The following EPHA3 variants were observed in gnomAD, a reference collection of about 807,000 sequenced individuals.
EPHA3 encodes the protein EPH receptor A3.
A neutral mutation model predicts 107.1 loss-of-function variants in EPHA3; 42 were observed. That is an observed-to-expected ratio of 0.39 (90% CI 0.31 to 0.51). EPHA3 has a LOEUF of 0.51. Among genes scored for constraint, EPHA3 ranks in the 20% least tolerant of loss-of-function variants. The probability of loss-of-function intolerance (pLI) is 0.78; values close to 1 mark genes in which losing one functional copy is unlikely to be tolerated. For missense variants in EPHA3, 1,183 were observed against 1,211.2 expected (o/e 0.98, Z 0.35); for synonymous variants, 461 against 424.8 (o/e 1.09, Z -1.05).
chr3:89,173,477 T>G (rs1292309234), intron 2 of EPHA3, among the ~76,000 whole-genome samples: 1 of 152,060 alleles, frequency 6.6e-6, no homozygotes, highest in Non-Finnish European at 1.5e-5. Context: ...ATACTGTTAT[T>G]TTTCCAACTT....
chr3:89,474,865 T>C (rs1159560277), intron 16 of EPHA3, among the ~76,000 whole-genome samples: 3 of 152,216 alleles, frequency 2.0e-5, no homozygotes, highest in African/African-American at 7.2e-5. Flanking sequence ...TTAATTGTTA[T>C]TATTATTTGA....
chr3:89,150,603 A>G (rs569185279), intron 2 of EPHA3, among the ~76,000 whole-genome samples: 1 of 152,182 alleles, frequency 6.6e-6, no homozygotes, highest in East Asian at 1.9e-4. Flanking sequence ...CATATTATTG[A>G]GAAAACTCCA....
chr3:89,408,370 A>G (rs1020182519), intron 9 of EPHA3, among the ~76,000 whole-genome samples: 2 of 152,166 alleles, frequency 1.3e-5, no homozygotes, highest in Admixed American at 1.3e-4. Context: ...TGTGGTTTAC[A>G]TTCAAATAAC....
In EPHA3 at chr3:89,242,918, C is replaced by T. The variant is rs1239471696; in HGVS notation, c.814+32398C>T. Among the ~76,000 whole-genome samples, 3 of 118,636 alleles carry T rather than the reference C, an allele frequency of 2.5e-5. No individual in the cohort carries two copies. The East Asian group carries it at 8.8e-4, about 35-fold the overall frequency. 77.8% of individuals were successfully genotyped at this position (118,636 alleles called of 152,430 possible). Reference sequence around the variant, plus strand: ...ATCCCTCCCCCCTCCCCCCACCCCACAACAGGCCCCGGTGTGTGATGTTCC... The same window carrying T: ...ATCCCTCCCCCCTCCCCCCACCCCATAACAGGCCCCGGTGTGTGATGTTCC... On this transcript the variant is annotated intron_variant, in intron 3 of 16. Coordinates refer to ENST00000336596, the MANE Select transcript of EPHA3 (RefSeq NM_005233.6).
chr3:89,217,623 T>A (rs1704250589), intron 3 of EPHA3, among the ~76,000 whole-genome samples: 1 of 152,132 alleles, frequency 6.6e-6, no homozygotes, highest in Non-Finnish European at 1.5e-5. Flanking sequence ...CCACAGACTT[T>A]TTGTATTATT....
chr3:89,114,728 C>T (rs1376171909), intron 1 of EPHA3, among the ~76,000 whole-genome samples: 1 of 152,188 alleles, frequency 6.6e-6, no homozygotes, highest in African/African-American at 2.4e-5. Context: ...TAAGCGAACA[C>T]GAGCGCCAGG....
intron 5 of EPHA3, among the ~76,000 whole-genome samples, chr3:89,385,287 G>T (rs527659906): frequency 1.4e-4 from 21 of 152,220 alleles, no homozygotes; most frequent in Non-Finnish European, 7.4e-5. Flanking sequence ...TATATGGTTT[G>T]ACTCTGTGTC....
At position 89,114,669 on chromosome 3, in the gene EPHA3, G is replaced by T. The variant is rs1255791199; in HGVS notation, c.88+6833G>T. 2.6e-5 allele frequency among the ~76,000 whole-genome samples: 4 copies of T among 152,194 alleles called. No individual in the cohort carries two copies. In the East Asian group the frequency reaches 7.7e-4, roughly 29 times the overall value. ...TCTTTTGCTCCGGGTTTCTGCCCCC[G>T]GGCGGACGGTGTAGACTCTGTAGCG... is the stretch of plus-strand genomic sequence containing the variant. On this transcript the variant is annotated intron_variant, in intron 1 of 16. Transcript: ENST00000336596.
intron 14 of EPHA3, among the ~76,000 whole-genome samples, 188 bp downstream of exon 14, chr3:89,449,562 A>T (rs1360038925): frequency 1.3e-5 from 2 of 152,202 alleles, no homozygotes; most frequent in African/African-American, 4.8e-5. Context: ...AGATTTACAT[A>T]TTTCCCTCAA....
intron 3 of EPHA3, among the ~76,000 whole-genome samples, chr3:89,249,749 C>A (rs1282195344): frequency 1.3e-5 from 2 of 152,262 alleles, no homozygotes; most frequent in Non-Finnish European, 1.5e-5. Context: ...GCAGTTGTAG[C>A]CTTTAAACTA....
rs117590172 is a variant in EPHA3, at chr3:89,311,887, T to C, written c.815-29029T>C. 3.9e-4 allele frequency among the ~76,000 whole-genome samples: 60 copies of C among 152,172 alleles called. No individual in the cohort carries two copies. The East Asian group carries it at 0.01, about 26-fold the overall frequency. On this transcript the variant is annotated intron_variant, in intron 3 of 16. Transcript: ENST00000336596. The stretch of plus-strand genomic sequence containing the variant: ...TTAATGTCTGAATAATATCCTGGGA[T>C]TTGTTGTCCAATGTGAAATGGCCAA...
intron 3 of EPHA3, among the ~76,000 whole-genome samples, chr3:89,251,512 C>T (rs1233297296): frequency 6.6e-6 from 1 of 151,914 alleles, no homozygotes; most frequent in Non-Finnish European, 1.5e-5. Context: ...CATAATATTG[C>T]AACCCTGAAG....
intron 5 of EPHA3, among the ~76,000 whole-genome samples, chr3:89,372,122 T>G (rs1470203147): frequency 6.6e-6 from 1 of 151,674 alleles, no homozygotes; most frequent in Non-Finnish European, 1.5e-5. Context: ...TCCGATAAAA[T>G]TGGCATTGAC....
intron 3 of EPHA3, among the ~76,000 whole-genome samples, chr3:89,334,638 G>A (rs962661382): frequency 6.6e-6 from 1 of 152,166 alleles, no homozygotes; most frequent in Non-Finnish European, 1.5e-5. Context: ...GTGCTGGATG[G>A]TGTGCCAGAT....
chr3:89,258,974 G>A (rs564927885), intron 3 of EPHA3, among the ~76,000 whole-genome samples: 18 of 152,106 alleles, frequency 1.2e-4, no homozygotes, highest in Admixed American at 2.6e-4. Context: ...ATCTCTTGGC[G>A]CCTGAATAAG....
intron 15 of EPHA3, among the ~76,000 whole-genome samples, chr3:89,452,622 A>G (rs1181662949): frequency 6.6e-6 from 1 of 152,110 alleles, no homozygotes; most frequent in Non-Finnish European, 1.5e-5. Flanking sequence ...TATTGACTGT[A>G]AATATTTTCT....
Position 89,479,673 on chromosome 3 carries a change from C to T in EPHA3, c.*171C>T. 1 of 536,934 alleles carries T rather than the reference C, an allele frequency of 1.9e-6. No homozygotes were observed. The highest frequency in any genetic ancestry group is 3.4e-5 in the Admixed American group (1 of 29,154). The allele number at this position is 536,934 out of a possible 1,614,324, so 33.3% of individuals were successfully genotyped here. On this transcript the variant is annotated 3_prime_UTR_variant, in exon 17 of 17. Transcript: ENST00000336596. ...GGAATTGAAAAACTCTTTATTTTCC[C>T]CTATCATTTATTGGATGGGTGGGTG...
intron 2 of EPHA3, among the ~76,000 whole-genome samples, chr3:89,134,421 A>T (rs377026540): frequency 7.0e-6 from 1 of 142,516 alleles, no homozygotes; most frequent in Non-Finnish European, 1.5e-5. Flanking sequence ...CCTGTGTCCA[A>T]GTGTTCTCAT....
At chr3:89,142,606 G>A (rs997648887) in intron 2 of EPHA3, among the ~76,000 whole-genome samples, 3 of 151,376 alleles carry the variant, frequency 2.0e-5, no homozygotes, top group Non-Finnish European at 3.0e-5. Flanking sequence ...TTATATTAAC[G>A]TGCTTTTAGA....
Sources: gnomAD v4.1 joint callset for allele counts (sites outside exome capture counted in the v4.1 genomes callset) on GRCh38, gnomAD v4.1.1 for gene constraint, MANE v1.5 for transcripts, NCBI Gene and HGNC (gene_info 2026-07-23, HGNC 2026-07-21) for gene names.